The following COL24A1 variants were observed in gnomAD, a reference collection of about 807,000 sequenced individuals.
COL24A1 encodes the protein collagen type XXIV alpha 1 chain.
COL24A1 carries 224 observed loss-of-function variants against 253.9 expected under a neutral mutation model. That is an observed-to-expected ratio of 0.88 (90% confidence interval 0.79 to 0.99). The LOEUF (loss-of-function observed/expected upper bound fraction) is 0.99, where lower values mean the gene tolerates loss of function less well. Ranked by LOEUF, COL24A1 falls within the 50% of genes least tolerant of loss-of-function variation. The pLI is 0.00. For synonymous variants in COL24A1, 685 were observed against 673.7 expected (o/e 1.02, Z -0.26); for missense variants, 2,131 against 2,068.5 (o/e 1.03, Z -0.59).
chr1:86,037,211 G>A (rs148762657), intron 12 of COL24A1, among the ~76,000 whole-genome samples: 27 of 152,178 alleles, frequency 1.8e-4, no homozygotes, highest in African/African-American at 5.3e-4. Context: ...CAGTTTAAAG[G>A]ATCTCCAAAG....
chr1:85,891,168 G>A (rs113094868), intron 31 of COL24A1, among the ~76,000 whole-genome samples: 38,278 of 150,028 alleles, frequency 0.26, 5,800 homozygotes, highest in East Asian at 0.34. Context: ...CTCCTGCCTC[G>A]GCCTCCCGAG....
At chr1:86,086,301 T>C (rs1041463878) in intron 7 of COL24A1, among the ~76,000 whole-genome samples, 1 of 151,830 alleles carries the variant, frequency 6.6e-6, no homozygotes, top group African/African-American at 2.4e-5. Context: ...CTGGCCAGAG[T>C]AACAGACCCA....
rs141445410 is a variant in COL24A1, at chr1:86,050,215, G to A, written c.1852-38C>T. 3.2e-6 allele frequency: 5 copies of A among 1,555,272 alleles called. No individual in the cohort carries two copies. The African/African-American group carries it at 6.8e-5, about 21-fold the overall frequency. ...AAATAGTCTGTATATTAGTTCATTT[G>A]AATATTCTCCCCATAAGTGATTCTG... is the stretch of plus-strand genomic sequence containing the variant. On this transcript the variant is annotated intron_variant, in intron 10 of 59. Transcript: ENST00000370571.
intron 1 of COL24A1, among the ~76,000 whole-genome samples, chr1:86,149,370 T>A (rs1652409987): frequency 6.6e-6 from 1 of 152,228 alleles, no homozygotes; most frequent in South Asian, 2.1e-4. Context: ...CTCTCCAGGA[T>A]GTATCCTAAT....
chr1:86,014,053 T>G (rs1461857481), intron 19 of COL24A1, among the ~76,000 whole-genome samples: 2 of 152,222 alleles, frequency 1.3e-5, no homozygotes, highest in African/African-American at 4.8e-5. Context: ...ACTTCTTTCT[T>G]CTTTTGAAAC....
At chr1:85,883,472 C>T (rs1190788963) in intron 32 of COL24A1, among the ~76,000 whole-genome samples, 7 of 152,036 alleles carry the variant, frequency 4.6e-5, no homozygotes, top group African/African-American at 1.2e-4. Flanking sequence ...CTACCTGCCT[C>T]GGCCTCCTAA....
At chr1:86,094,962 C>A (rs536180888) in intron 5 of COL24A1, among the ~76,000 whole-genome samples, 1 of 151,886 alleles carries the variant, frequency 6.6e-6, no homozygotes, top group Non-Finnish European at 1.5e-5. Flanking sequence ...TCTTGTATCA[C>A]AATGCCTATT....
rs141286549 is a variant in COL24A1 at position 86,140,281 on chromosome 1, A to G, written c.121+5838T>C. Among the ~76,000 whole-genome samples, 10 of 152,342 alleles carry G rather than the reference A, an allele frequency of 6.6e-5. No individual in the cohort carries two copies. The South Asian group carries it at 1.9e-3, about 28-fold the overall frequency. ...AATGGCGGAAACTGGGCTTAACTCTAAGATGCTGGCTCTGGAACACCTGTG... is the reference window on the plus strand; with the variant it reads ...AATGGCGGAAACTGGGCTTAACTCTGAGATGCTGGCTCTGGAACACCTGTG... On this transcript the variant is annotated intron_variant, in intron 2 of 59. Transcript: ENST00000370571.
intron 24 of COL24A1, among the ~76,000 whole-genome samples, chr1:85,959,757 T>C (rs975663541): frequency 6.6e-6 from 1 of 152,292 alleles, no homozygotes; most frequent in South Asian, 2.1e-4. Context: ...TGGGTTCTTA[T>C]ACTATGTGGA....
intron 10 of COL24A1, 93 bp downstream of exon 10, chr1:86,057,838 T>C (rs1030713909): frequency 9.1e-7 from 1 of 1,103,332 alleles, no homozygotes; most frequent in East Asian, 2.5e-5. Flanking sequence ...AATTCAAAGC[T>C]ACTAAGAGAG....
intron 12 of COL24A1, 30 bp from the exon 13 acceptor site, chr1:86,033,953 C>T: frequency 6.5e-7 from 1 of 1,542,052 alleles, no homozygotes; most frequent in South Asian, 1.3e-5. Flanking sequence ...AGAATGCCAA[C>T]ATATATAAAT....
intron 5 of COL24A1, among the ~76,000 whole-genome samples, chr1:86,094,842 T>G (rs922378254): frequency 1.3e-5 from 2 of 152,014 alleles, no homozygotes; most frequent in African/African-American, 4.8e-5. Context: ...AATTAGAGCT[T>G]ATCTAGTAAA....
chr1:85,812,931 C>A (rs550653434), intron 47 of COL24A1, among the ~76,000 whole-genome samples: 1 of 152,336 alleles, frequency 6.6e-6, no homozygotes, highest in East Asian at 1.9e-4. Context: ...CAAGGCAATG[C>A]TCCCTGGGAG....
At chr1:86,101,692 G>A (rs1704469087) in intron 5 of COL24A1, among the ~76,000 whole-genome samples, 1 of 152,106 alleles carries the variant, frequency 6.6e-6, no homozygotes, top group South Asian at 2.1e-4. Flanking sequence ...ATCACATATT[G>A]ATTTGCATAT....
At chr1:86,148,835 C>G (rs2102435923) in intron 1 of COL24A1, among the ~76,000 whole-genome samples, 1 of 152,208 alleles carries the variant, frequency 6.6e-6, no homozygotes, top group South Asian at 2.1e-4. Flanking sequence ...TTTATAGCAG[C>G]ATGATTTATA....
At chr1:86,147,865 C>T (rs915739756) in intron 1 of COL24A1, among the ~76,000 whole-genome samples, 1 of 152,298 alleles carries the variant, frequency 6.6e-6, no homozygotes, top group Admixed American at 6.5e-5. Flanking sequence ...TTATTTGGCC[C>T]TTTTAAAATC....
chr1:86,026,974 C>T (rs1698089728), intron 14 of COL24A1, among the ~76,000 whole-genome samples: 1 of 152,174 alleles, frequency 6.6e-6, no homozygotes, highest in African/African-American at 2.4e-5. Flanking sequence ...AGCTAACAGA[C>T]TGGTGGCATT....
intron 14 of COL24A1, among the ~76,000 whole-genome samples, chr1:86,029,081 CT>C (rs1698307249): frequency 6.6e-6 from 1 of 151,928 alleles, no homozygotes; most frequent in African/African-American, 2.4e-5. Flanking sequence ...AATCTAACTC[CT>C]TTTGCCTACT....
intron 28 of COL24A1, among the ~76,000 whole-genome samples, chr1:85,900,417 T>C (rs1303866491): frequency 6.6e-6 from 1 of 151,990 alleles, no homozygotes; most frequent in Non-Finnish European, 1.5e-5. Flanking sequence ...GGAGGGAGGA[T>C]CACTTGAGCC....
Sources: gnomAD v4.1 joint callset for allele counts (sites outside exome capture counted in the v4.1 genomes callset) on GRCh38, gnomAD v4.1.1 for gene constraint, MANE v1.5 for transcripts, NCBI Gene and HGNC (gene_info 2026-07-23, HGNC 2026-07-21) for gene names.